Variants in CHLSN observed in about 807,000 individuals in gnomAD.
The protein encoded by CHLSN is cholesin.
the CHLSN span, among the ~76,000 whole-genome samples, chr7:1,008,987 G>A: frequency 1.9e-4 from 20 of 105,790 alleles, no homozygotes; most frequent in African/African-American, 6.1e-4. Context: ...ACACCCATGC[G>A]AACACACATA....
At chr7:1,023,258 G>C in the CHLSN span, among the ~76,000 whole-genome samples, 1 of 152,218 alleles carries the variant, frequency 6.6e-6, no homozygotes, top group Non-Finnish European at 1.5e-5. The surrounding 1 kb of genome is among the most constrained non-coding windows in gnomAD (Gnocchi z 5.0). Flanking sequence ...GAGCGCAAGT[G>C]ATGTGTGAGG....
the CHLSN span, among the ~76,000 whole-genome samples, chr7:1,031,078 C>T: frequency 1.3e-5 from 2 of 152,162 alleles, no homozygotes; most frequent in African/African-American, 4.8e-5. Flanking sequence ...CCCTAGAGCC[C>T]CCTCCCCCAG....
At chr7:1,038,240 A>G in the CHLSN span, among the ~76,000 whole-genome samples, 22 of 80,330 alleles carry the variant, frequency 2.7e-4, 1 homozygote, top group Non-Finnish European at 5.4e-4. Flanking sequence ...CAGCCGTGCC[A>G]TCCGGGAGGG....
chr7:1,124,711 A>C, the CHLSN span, among the ~76,000 whole-genome samples: 1 of 151,696 alleles, frequency 6.6e-6, no homozygotes, highest in Non-Finnish European at 1.5e-5. Flanking sequence ...CTTAAAGTAT[A>C]ATAATAAAAA....
the CHLSN span, among the ~76,000 whole-genome samples, chr7:1,068,943 G>A: frequency 1.3e-5 from 2 of 152,190 alleles, no homozygotes; most frequent in African/African-American, 2.4e-5. Flanking sequence ...AGGAACCGGG[G>A]GAGGGGCCTG....
the CHLSN span, among the ~76,000 whole-genome samples, chr7:1,081,694 GGC>G: frequency 2.2e-5 from 3 of 134,096 alleles, no homozygotes; most frequent in African/African-American, 7.7e-5. Context: ...ACCCAGACAA[GGC>G]GCAGCCTGGG....
At chr7:983,664 G>T in the CHLSN span, among the ~76,000 whole-genome samples, 1 of 152,226 alleles carries the variant, frequency 6.6e-6, no homozygotes, top group Non-Finnish European at 1.5e-5. Flanking sequence ...AGGCGGTGGC[G>T]TCTGCTGAGA....
chr7:997,682 A>G, the CHLSN span: 1 of 1,610,348 alleles, frequency 6.2e-7, no homozygotes, highest in Non-Finnish European at 8.5e-7. Flanking sequence ...GCAGGGGGGG[A>G]TCAGAGCCCT....
chr7:988,029 GT>G, the CHLSN span, among the ~76,000 whole-genome samples: 7 of 137,810 alleles, frequency 5.1e-5, no homozygotes, highest in East Asian at 4.8e-4. Flanking sequence ...TGTCCTGGGG[GT>G]CCCCTCTGTG....
At chr7:1,054,564 C>T in the CHLSN span, among the ~76,000 whole-genome samples, 1 of 152,230 alleles carries the variant, frequency 6.6e-6, no homozygotes. Context: ...GACCGCCTCC[C>T]AAGAATCGAG....
the CHLSN span, among the ~76,000 whole-genome samples, chr7:1,051,401 C>T: frequency 5.3e-5 from 8 of 152,354 alleles, no homozygotes; most frequent in African/African-American, 1.4e-4. Flanking sequence ...AGCAGTTTCC[C>T]GCACAGCGTG....
At chr7:1,046,340 C>T in the CHLSN span, among the ~76,000 whole-genome samples, 4 of 152,188 alleles carry the variant, frequency 2.6e-5, no homozygotes, top group Non-Finnish European at 4.4e-5. Context: ...CCCGGCCGAC[C>T]GTGTCATGCA....
At chr7:1,005,968 C>A in the CHLSN span, among the ~76,000 whole-genome samples, 1 of 152,368 alleles carries the variant, frequency 6.6e-6, no homozygotes, top group East Asian at 1.9e-4. Flanking sequence ...CTGCCCCCAA[C>A]GTGAACACCC....
At chr7:1,080,834 A>G in the CHLSN span, 3 of 152,294 alleles carry the variant, frequency 2.0e-5, no homozygotes, top group African/African-American at 7.2e-5. Flanking sequence ...TGCCACGCAC[A>G]TGGGAAGCTC....
chr7:985,059 G>A, the CHLSN span: 1 of 1,612,570 alleles, frequency 6.2e-7, no homozygotes, highest in Non-Finnish European at 8.5e-7. Context: ...AGATTCTGCA[G>A]GAGCTGAAAT....
chr7:1,091,726 G>C, the CHLSN span: 1 of 1,523,904 alleles, frequency 6.6e-7, no homozygotes, highest in Non-Finnish European at 8.8e-7. Flanking sequence ...ACGGTGCAGA[G>C]ACATGGATGT....
At chr7:990,596 C>T in the CHLSN span, among the ~76,000 whole-genome samples, 1 of 152,068 alleles carries the variant, frequency 6.6e-6, no homozygotes, top group African/African-American at 2.4e-5. Flanking sequence ...CCAGGTGGGG[C>T]CGCAGGGTCC....
chr7:1,017,914 C>G, the CHLSN span, among the ~76,000 whole-genome samples: 1 of 152,220 alleles, frequency 6.6e-6, no homozygotes, highest in Non-Finnish European at 1.5e-5. Context: ...GTAGGAACAC[C>G]CCATGTTTGT....
At chr7:999,435 G>A in the CHLSN span, among the ~76,000 whole-genome samples, 1 of 151,686 alleles carries the variant, frequency 6.6e-6, no homozygotes, top group Non-Finnish European at 1.5e-5. Context: ...GCTTACAATC[G>A]GCTTGCAATA....
Sources: gnomAD v4.1 joint callset for allele counts (sites outside exome capture counted in the v4.1 genomes callset) on GRCh38, gnomAD v4.1.1 for gene constraint, Gnocchi (gnomAD v3.1) non-coding constraint, MANE v1.5 for transcripts, NCBI Gene and HGNC (gene_info 2026-07-23, HGNC 2026-07-21) for gene names.